The following MBD5 variants were observed in gnomAD, a reference collection of about 807,000 sequenced individuals.
The protein encoded by MBD5 is methyl-CpG-binding domain protein 5.
In MBD5, 13 loss-of-function variants were observed where a neutral mutation model predicts 117.3. The observed-to-expected ratio is 0.11, with a 90% CI of 0.07 to 0.18. MBD5 has a LOEUF of 0.18. Among genes scored for constraint, MBD5 ranks in the 10% least tolerant of loss-of-function variants. The pLI is 1.00. For synonymous variants in MBD5, 727 were observed against 766.4 expected (o/e 0.95, Z 0.85); for missense variants, 1,879 against 2,093.8 (o/e 0.90, Z 2.00).
chr2:148,294,928 T>C (rs938960343), intron 3 of MBD5, among the ~76,000 whole-genome samples: 6 of 152,226 alleles, frequency 3.9e-5, no homozygotes, highest in African/African-American at 1.2e-4. Context: ...ACTGATCTTT[T>C]TGAGCTTCCC....
intron 1 of MBD5, among the ~76,000 whole-genome samples, chr2:148,052,722 A>G (rs566250599): frequency 6.6e-6 from 1 of 152,128 alleles, no homozygotes; most frequent in South Asian, 2.1e-4. Context: ...ATTTCCTTCT[A>G]TTAAATTCTC....
At chr2:148,340,904 T>C (rs1024496364) in intron 3 of MBD5, among the ~76,000 whole-genome samples, 49 of 151,512 alleles carry the variant, frequency 3.2e-4, no homozygotes, top group Admixed American at 3.3e-4. Context: ...ACTGATACTT[T>C]AAGTGCTTTG....
chr2:148,188,311 C>G (rs931044978), intron 2 of MBD5, among the ~76,000 whole-genome samples: 4 of 152,020 alleles, frequency 2.6e-5, no homozygotes, highest in African/African-American at 9.7e-5. Context: ...GTTAAAGATG[C>G]ATATTTAAAC....
At chr2:148,461,401 A>G (rs1472489053) in intron 5 of MBD5, among the ~76,000 whole-genome samples, 1 of 152,218 alleles carries the variant, frequency 6.6e-6, no homozygotes, top group East Asian at 1.9e-4. Flanking sequence ...TAGATTTTCT[A>G]CATGCTGAAA....
At chr2:148,169,477 G>A (rs908908489) in intron 1 of MBD5, among the ~76,000 whole-genome samples, 2 of 152,188 alleles carry the variant, frequency 1.3e-5, no homozygotes, top group African/African-American at 4.8e-5. Context: ...ATCTCTCAAG[G>A]TGTTTGCATA....
intron 4 of MBD5, among the ~76,000 whole-genome samples, chr2:148,353,447 A>G (rs190778508): frequency 9.2e-5 from 14 of 152,172 alleles, no homozygotes; most frequent in Admixed American, 2.6e-4. Flanking sequence ...ATTTGCTTCC[A>G]CTTGAAAATT....
At chr2:148,302,225 G>A (rs541267542) in intron 3 of MBD5, among the ~76,000 whole-genome samples, 1 of 152,304 alleles carries the variant, frequency 6.6e-6, no homozygotes, top group South Asian at 2.1e-4. Context: ...TAGATTGGAG[G>A]TGGGAAAATA....
At chr2:148,032,214 C>T (rs762017681) in intron 1 of MBD5, among the ~76,000 whole-genome samples, 4 of 152,036 alleles carry the variant, frequency 2.6e-5, no homozygotes, top group Non-Finnish European at 4.4e-5. Flanking sequence ...TATGTGCTCA[C>T]TGGGATAGTG....
intron 4 of MBD5, among the ~76,000 whole-genome samples, chr2:148,376,145 C>T (rs907851201): frequency 5.9e-5 from 9 of 151,770 alleles, no homozygotes; most frequent in African/African-American, 2.2e-4. Context: ...TACTAGTTCT[C>T]TATCCTGTTT....
At chr2:148,029,227 C>CT (rs199956962) in intron 1 of MBD5, among the ~76,000 whole-genome samples, 1,546 of 145,212 alleles carry the variant, frequency 0.011, 14 homozygotes, top group East Asian at 0.023. Context: ...TAAAATTAAG[C>CT]TTTTTTTTTT....
At chr2:148,287,650 C>T (rs1470159455) in intron 3 of MBD5, among the ~76,000 whole-genome samples, 2 of 152,104 alleles carry the variant, frequency 1.3e-5, no homozygotes, top group Non-Finnish European at 2.9e-5. Flanking sequence ...CTGGGAAGTC[C>T]AAGGTCAAGG....
chr2:148,363,392 C>G (rs1479841023), intron 4 of MBD5, among the ~76,000 whole-genome samples: 1 of 152,048 alleles, frequency 6.6e-6, no homozygotes, highest in Non-Finnish European at 1.5e-5. Context: ...GCCACCACGC[C>G]CGGCTAATTT....
At chr2:148,169,309 G>A (rs1698201809) in intron 1 of MBD5, among the ~76,000 whole-genome samples, 1 of 152,050 alleles carries the variant, frequency 6.6e-6, no homozygotes, top group Non-Finnish European at 1.5e-5. Context: ...AAGTCAGGGA[G>A]AAACTATATA....
At chr2:148,503,661 A>G (rs1681939476) in intron 12 of MBD5, among the ~76,000 whole-genome samples, 1 of 152,174 alleles carries the variant, frequency 6.6e-6, no homozygotes, top group Non-Finnish European at 1.5e-5. Context: ...AAAGGTAGCA[A>G]ATTGGTACTG....
chr2:148,204,029 T>A (rs1368745459), intron 2 of MBD5, among the ~76,000 whole-genome samples: 3 of 152,080 alleles, frequency 2.0e-5, no homozygotes, highest in African/African-American at 7.2e-5. Context: ...AATATAATGC[T>A]TAACTTTCTT....
At chr2:148,361,858 G>A (rs1233584156) in intron 4 of MBD5, among the ~76,000 whole-genome samples, 1 of 152,186 alleles carries the variant, frequency 6.6e-6, no homozygotes, top group Non-Finnish European at 1.5e-5. Flanking sequence ...AGTGAGTGCA[G>A]CCCTCCCGAC....
chr2:148,452,644 A>C (rs1379440664), intron 4 of MBD5, among the ~76,000 whole-genome samples: 1 of 152,322 alleles, frequency 6.6e-6, no homozygotes, highest in East Asian at 1.9e-4. Flanking sequence ...AAATATGTTT[A>C]ATTTTTATAT....
chr2:148,058,338 C>T (rs1188624708), intron 1 of MBD5, among the ~76,000 whole-genome samples: 1 of 152,040 alleles, frequency 6.6e-6, no homozygotes, highest in African/African-American at 2.4e-5. Flanking sequence ...GTTCAATATT[C>T]CTTAGCTAGT....
At chr2:148,235,136 C>T (rs906042983) in intron 3 of MBD5, among the ~76,000 whole-genome samples, 1 of 152,100 alleles carries the variant, frequency 6.6e-6, no homozygotes, top group Non-Finnish European at 1.5e-5. Context: ...CTACCTAATA[C>T]AACCTAAATT....
Sources: allele counts gnomAD v4.1 joint callset (sites outside exome capture counted in the v4.1 genomes callset), GRCh38; gene constraint gnomAD v4.1.1; transcripts MANE v1.5; gene names NCBI Gene and HGNC (gene_info 2026-07-23, HGNC 2026-07-21).